Variants in UBP1 observed in about 807,000 individuals in gnomAD.
UBP1 encodes upstream binding protein 1.
Under a neutral mutation model 76.1 loss-of-function variants are expected in UBP1, and 22 were observed. The observed-to-expected ratio is 0.29, with a 90% CI of 0.21 to 0.41. UBP1 has a LOEUF of 0.41. Among genes scored for constraint, UBP1 ranks in the 10% least tolerant of loss-of-function variants. The pLI is 1.00. For missense variants in UBP1, 436 were observed against 668.1 expected (o/e 0.65, Z 3.83); for synonymous variants, 224 against 237.1 (o/e 0.94, Z 0.51).
At chr3:33,426,029 A>G in intron 1 of UBP1, among the ~76,000 whole-genome samples, 1 of 89,158 alleles carries the variant, frequency 1.1e-5, no homozygotes, top group African/African-American at 4.0e-5. Flanking sequence ...ATATATATAT[A>G]TATATATATA....
At chr3:33,414,835 T>A (rs1188793816) in intron 3 of UBP1, among the ~76,000 whole-genome samples, 1 of 152,106 alleles carries the variant, frequency 6.6e-6, no homozygotes, top group Non-Finnish European at 1.5e-5. Flanking sequence ...TTTCAATCAG[T>A]GGGCTAAATA....
At chr3:33,411,463 CACT>C in intron 5 of UBP1, 115 bp downstream of exon 5, 2 of 825,332 alleles carry the variant, frequency 2.4e-6, no homozygotes, top group South Asian at 3.4e-5. Flanking sequence ...TATAGAAAGA[CACT>C]ACAACATAGT....
At chr3:33,409,405 A>C (rs1356613378) in intron 6 of UBP1, 44 bp downstream of exon 6, 1 of 1,613,946 alleles carries the variant, frequency 6.2e-7, no homozygotes. Context: ...CTTTACAGGC[A>C]AAACTGAGCC....
chr3:33,409,100 C>A, intron 7 of UBP1, 136 bp downstream of exon 7: 1 of 864,460 alleles, frequency 1.2e-6, no homozygotes, highest in Non-Finnish European at 1.8e-6. Flanking sequence ...ATATTTTCCC[C>A]AGAAATTTCA....
intron 2 of UBP1, among the ~76,000 whole-genome samples, chr3:33,419,175 C>T (rs538172550): frequency 7.2e-5 from 11 of 152,234 alleles, no homozygotes; most frequent in African/African-American, 1.7e-4. Context: ...ACCTCAAAGA[C>T]AGCCAGGAGC....
chr3:33,394,177 A>G, intron 13 of UBP1, among the ~76,000 whole-genome samples: 1 of 145,096 alleles, frequency 6.9e-6, no homozygotes, highest in Non-Finnish European at 1.5e-5. Context: ...ACACGCCACC[A>G]TGCCTGGCTA....
At chr3:33,427,626 G>A (rs2045040371) in intron 1 of UBP1, among the ~76,000 whole-genome samples, 1 of 152,108 alleles carries the variant, frequency 6.6e-6, no homozygotes, top group South Asian at 2.1e-4. Flanking sequence ...GGAAACCCTG[G>A]GAGAGAACGT....
At chr3:33,395,643 C>T (rs750379023) in intron 13 of UBP1, among the ~76,000 whole-genome samples, 4 of 148,804 alleles carry the variant, frequency 2.7e-5, no homozygotes, top group Non-Finnish European at 5.9e-5. Flanking sequence ...CAATGCTGGC[C>T]GAACACTTGT....
intron 1 of UBP1, among the ~76,000 whole-genome samples, chr3:33,430,262 T>G (rs933229776): frequency 7.9e-5 from 12 of 152,250 alleles, no homozygotes; most frequent in Non-Finnish European, 1.6e-4. Flanking sequence ...AGCTGTACTG[T>G]AGTTTTAGTG....
intron 14 of UBP1, chr3:33,392,977 A>G (rs963291437): frequency 6.4e-6 from 2 of 312,728 alleles, no homozygotes; most frequent in Non-Finnish European, 1.2e-5. Flanking sequence ...TTTTTAAATT[A>G]GTCATCAAAT....
intron 1 of UBP1, among the ~76,000 whole-genome samples, chr3:33,430,797 C>A (rs1344655802): frequency 6.6e-6 from 1 of 152,156 alleles, no homozygotes; most frequent in Admixed American, 6.6e-5. Context: ...CCTCCAGCAA[C>A]AAGCCCAAGA....
chr3:33,418,445 G>A (rs1238444224), intron 2 of UBP1, among the ~76,000 whole-genome samples: 2 of 151,828 alleles, frequency 1.3e-5, no homozygotes, highest in Admixed American at 6.6e-5. Context: ...TTTTAGTAGA[G>A]ACAGGGTTTC....
Position 33,405,111 on chromosome 3 carries a change from AT to A in UBP1, c.928-2208del, listed in dbSNP as rs368823728. Among the ~76,000 whole-genome samples, 100 of 152,232 alleles carry A rather than the reference AT, an allele frequency of 6.6e-4. 1 individual carries two copies. The highest frequency in any genetic ancestry group is 1.9e-3 in the African/African-American group (79 of 41,552). Reference sequence around the variant, plus strand: ...ATTTATGTAAATTTGTTGTAAGGCAATTTTTTTAGGGTGATCATTTAAAAAT... The same window carrying A: ...ATTTATGTAAATTTGTTGTAAGGCAATTTTTTAGGGTGATCATTTAAAAAT... On this transcript the variant is annotated intron_variant, in intron 8 of 15. Transcript: ENST00000283629.
chr3:33,390,661 AGT>A, intron 15 of UBP1: 1 of 443,700 alleles, frequency 2.3e-6, no homozygotes, highest in Non-Finnish European at 4.1e-6. Context: ...ACACAATAAT[AGT>A]GCTGTCCATA....
intron 2 of UBP1, among the ~76,000 whole-genome samples, chr3:33,422,011 C>G (rs879558621): frequency 2.6e-5 from 4 of 151,568 alleles, no homozygotes; most frequent in Admixed American, 1.3e-4. Context: ...TCGTTGCACT[C>G]CAGCCTAAGA....
At chr3:33,413,542 A>G (rs1277893584) in intron 3 of UBP1, among the ~76,000 whole-genome samples, 1 of 136,628 alleles carries the variant, frequency 7.3e-6, no homozygotes, top group Non-Finnish European at 1.6e-5. Context: ...GCGAGACTCC[A>G]TCACAAAAAA....
intron 1 of UBP1, 65 bp downstream of exon 1, chr3:33,439,671 A>C: frequency 6.4e-7 from 1 of 1,554,850 alleles, no homozygotes; most frequent in Non-Finnish European, 8.8e-7. Context: ...TCTGGCAGAG[A>C]CTCAGGGCTG....
At position 33,439,726 on chromosome 3, in the gene UBP1, A is replaced by G; in HGVS notation, c.113+10T>C. 1.2e-6 allele frequency: 2 copies of G among 1,610,134 alleles called. No homozygotes were observed. The highest frequency in any genetic ancestry group is 2.2e-5 in the South Asian group (2 of 90,648). On this transcript the variant is annotated intron_variant, in intron 1 of 15. Coordinates refer to ENST00000283629, the MANE Select transcript of UBP1 (RefSeq NM_014517.5). ...GACAGAGGCTTCTCCCCGCCCAGGGAGCCCAGTACCTCATGCTGTAAGCGC... is the reference window on the plus strand; with the variant it reads ...GACAGAGGCTTCTCCCCGCCCAGGGGGCCCAGTACCTCATGCTGTAAGCGC...
At chr3:33,391,060 C>T (rs561830323) in intron 15 of UBP1, 10 of 152,384 alleles carry the variant, frequency 6.6e-5, no homozygotes, top group Admixed American at 3.3e-4. Flanking sequence ...AAGGTAAAAA[C>T]TGTACTGCTG....
Sources: allele counts gnomAD v4.1 joint callset (sites outside exome capture counted in the v4.1 genomes callset), GRCh38; gene constraint gnomAD v4.1.1; transcripts MANE v1.5; gene names NCBI Gene and HGNC (gene_info 2026-07-23, HGNC 2026-07-21).